Variants in CHODL observed in about 807,000 individuals in gnomAD.
CHODL encodes the protein chondrolectin.
In CHODL, 29 loss-of-function variants were observed where a neutral mutation model predicts 34.5. The observed-to-expected ratio is 0.84, with a 90% confidence interval of 0.63 to 1.15. The LOEUF is 1.15. CHODL is among the 50% of genes most tolerant of loss of function. The probability of loss-of-function intolerance (pLI) is 0.00; values close to 1 mark genes in which losing one functional copy is unlikely to be tolerated. For synonymous variants in CHODL, 125 were observed against 116.1 expected (o/e 1.08, Z -0.49); for missense variants, 332 against 332.5 (o/e 1.00, Z 0.01).
chr21:18,192,857 C>T (rs2073527011), intron 2 of CHODL, among the ~76,000 whole-genome samples: 1 of 151,896 alleles, frequency 6.6e-6, no homozygotes, highest in African/African-American at 2.4e-5. Flanking sequence ...CCTCATGAGC[C>T]TTTAAAATTT....
At chr21:18,088,606 C>T (rs1414437075) in intron 2 of CHODL, among the ~76,000 whole-genome samples, 1 of 152,228 alleles carries the variant, frequency 6.6e-6, no homozygotes, top group African/African-American at 2.4e-5. Flanking sequence ...TCTCTCCTGG[C>T]TATCTGTCAA....
chr21:18,206,006 AT>A (rs1400663188), intron 2 of CHODL, among the ~76,000 whole-genome samples: 1 of 152,154 alleles, frequency 6.6e-6, no homozygotes, highest in African/African-American at 2.4e-5. Flanking sequence ...AAGATACTTG[AT>A]ATAATTTCAA....
At chr21:17,959,233 G>A (rs1010025809) in intron 1 of CHODL, among the ~76,000 whole-genome samples, 8 of 152,050 alleles carry the variant, frequency 5.3e-5, no homozygotes, top group South Asian at 2.1e-4. Context: ...TGTGTTCTTA[G>A]AAGTGATCAA....
intron 1 of CHODL, among the ~76,000 whole-genome samples, chr21:17,920,748 A>G (rs977982985): frequency 6.6e-6 from 1 of 152,248 alleles, no homozygotes; most frequent in South Asian, 2.1e-4. Flanking sequence ...AGTGAGATCT[A>G]TCGGAGTAAA....
At chr21:18,158,103 C>A (rs148430960) in intron 2 of CHODL, among the ~76,000 whole-genome samples, 157 of 148,518 alleles carry the variant, frequency 1.1e-3, no homozygotes, top group African/African-American at 3.6e-3. Context: ...AGGTGCTTGC[C>A]ATTAGTGGAA....
chr21:18,015,853 G>T (rs1379815644), intron 1 of CHODL, among the ~76,000 whole-genome samples: 1 of 152,052 alleles, frequency 6.6e-6, no homozygotes, highest in Non-Finnish European at 1.5e-5. Flanking sequence ...GATGATTTAG[G>T]GTATCTTGTG....
intron 1 of CHODL, among the ~76,000 whole-genome samples, chr21:17,999,984 A>G (rs1269368462): frequency 2.6e-5 from 4 of 152,216 alleles, no homozygotes; most frequent in Non-Finnish European, 4.4e-5. Context: ...TCTCCATAGT[A>G]AAGAAGAAAT....
chr21:17,993,682 G>A (rs931990286), intron 1 of CHODL, among the ~76,000 whole-genome samples: 1 of 152,144 alleles, frequency 6.6e-6, no homozygotes, highest in Non-Finnish European at 1.5e-5. Flanking sequence ...GAACATACGT[G>A]TGCATATGTC....
chr21:18,128,189 T>C (rs1451641804), intron 2 of CHODL, among the ~76,000 whole-genome samples: 6 of 149,454 alleles, frequency 4.0e-5, no homozygotes, highest in Non-Finnish European at 1.5e-5. Context: ...TAGTCCCGGC[T>C]ACTAGGGAGG....
intron 2 of CHODL, among the ~76,000 whole-genome samples, chr21:18,062,444 A>AGT (rs1221189549): frequency 7.2e-6 from 1 of 138,006 alleles, no homozygotes; most frequent in Non-Finnish European, 1.6e-5. Context: ...CCTGGGCTCA[A>AGT]GTGATCCTCC....
At chr21:18,151,863 G>A (rs2072973050) in intron 2 of CHODL, among the ~76,000 whole-genome samples, 1 of 152,040 alleles carries the variant, frequency 6.6e-6, no homozygotes, top group South Asian at 2.1e-4. Context: ...ACAGTTTGAG[G>A]TTTTTTCTTC....
intron 1 of CHODL, among the ~76,000 whole-genome samples, chr21:17,966,101 G>C (rs898830297): frequency 1.3e-5 from 2 of 151,904 alleles, no homozygotes. Context: ...GCATCTGTCA[G>C]GTTCAGATTT....
chr21:18,033,409 A>T (rs1009154719), intron 2 of CHODL, among the ~76,000 whole-genome samples: 3 of 152,076 alleles, frequency 2.0e-5, no homozygotes, highest in Non-Finnish European at 2.9e-5. Context: ...ATATTTAAAA[A>T]GAACCATTTA....
In CHODL at chr21:18,016,783, C is replaced by T. The variant is rs182041831; in HGVS notation, c.-144-11089C>T. Among the ~76,000 whole-genome samples, 9 of 152,336 alleles carry T rather than the reference C, an allele frequency of 5.9e-5. No individual in the cohort carries two copies. In the East Asian group the frequency reaches 1.4e-3, roughly 23 times the overall value. On this transcript the variant is annotated intron_variant, in intron 1 of 6. Transcript: ENST00000400127. ...CATGAAAGCAGCCAAGGGATCTGTA[C>T]CCTGCAGAGCCACAGAGGCAGAGCT...
At chr21:18,179,424 CA>C (rs1184046712) in intron 2 of CHODL, among the ~76,000 whole-genome samples, 2 of 152,208 alleles carry the variant, frequency 1.3e-5, no homozygotes, top group African/African-American at 4.8e-5. Context: ...GATTTGCTAG[CA>C]CCAACCTAAG....
At chr21:18,125,389 C>A (rs1001173782) in intron 2 of CHODL, among the ~76,000 whole-genome samples, 3 of 152,094 alleles carry the variant, frequency 2.0e-5, no homozygotes, top group African/African-American at 7.2e-5. Context: ...TCACATCTTA[C>A]TCCATTCATC....
At chr21:18,194,422 C>T (rs375531184) in intron 2 of CHODL, among the ~76,000 whole-genome samples, 23 of 152,252 alleles carry the variant, frequency 1.5e-4, no homozygotes, top group East Asian at 9.7e-4. Flanking sequence ...AAGCTCATCC[C>T]CAGCTTTCTC....
At chr21:18,105,902 C>T (rs9975454) in intron 2 of CHODL, among the ~76,000 whole-genome samples, 10,817 of 152,206 alleles carry the variant, frequency 0.071, 1,267 homozygotes, top group African/African-American at 0.24. Flanking sequence ...TGTCTGTTCT[C>T]TTTAAGCCAG....
At chr21:17,972,513 G>A (rs890210932) in intron 1 of CHODL, among the ~76,000 whole-genome samples, 6 of 152,130 alleles carry the variant, frequency 3.9e-5, no homozygotes, top group Non-Finnish European at 7.3e-5. Flanking sequence ...CAAACTGAGA[G>A]CCAAATCATG....
Sources: allele counts gnomAD v4.1 joint callset (sites outside exome capture counted in the v4.1 genomes callset), GRCh38; gene constraint gnomAD v4.1.1; transcripts MANE v1.5; gene names NCBI Gene and HGNC (gene_info 2026-07-23, HGNC 2026-07-21).